SLC35A3: variants seen among roughly 807,000 people sequenced by gnomAD.
The protein encoded by SLC35A3 is solute carrier family 35 member A3.
SLC35A3 carries 26 observed loss-of-function variants against 39.0 expected under a neutral mutation model. The ratio of observed to expected loss-of-function variants is 0.67; its 90% CI spans 0.49 to 0.92. The LOEUF is 0.92. Ranked by LOEUF, SLC35A3 falls within the 40% of genes least tolerant of loss-of-function variation. The pLI, the probability that SLC35A3 is intolerant of heterozygous loss-of-function variation, is 0.00. For missense variants in SLC35A3, 299 were observed against 371.6 expected (o/e 0.80, Z 1.61); for synonymous variants, 135 against 133.1 (o/e 1.01, Z -0.10).
intron 2 of SLC35A3, among the ~76,000 whole-genome samples, chr1:99,998,950 A>G (rs974132554): frequency 6.6e-6 from 1 of 152,246 alleles, no homozygotes; most frequent in Admixed American, 6.5e-5. Flanking sequence ...ATACTTGGTT[A>G]ACAAATTAAA....
chr1:99,994,467 A>T lies in SLC35A3; in HGVS notation c.187+726A>T, dbSNP rs535119615. Among the ~76,000 whole-genome samples the T allele has an allele frequency of 2.6e-5, 4 of 152,288 alleles. No individual in the cohort carries two copies. In the East Asian group the frequency reaches 5.8e-4, roughly 22 times the overall value. On this transcript the variant is annotated intron_variant, in intron 2 of 7. Coordinates refer to ENST00000533028, the MANE Select transcript of SLC35A3 (RefSeq NM_012243.3). ...ATAACCCCCATTCTCCCTTACCCAC[A>T]GCCCCTAGTAACCTCTAATTCACTT...
chr1:99,980,669 G>A (rs1332359261), intron 1 of SLC35A3, among the ~76,000 whole-genome samples: 1 of 152,100 alleles, frequency 6.6e-6, no homozygotes, highest in East Asian at 1.9e-4. Flanking sequence ...GACACCTTGA[G>A]GAAGAAAGAA....
Position 100,024,762 on chromosome 1 carries a change from C to T in SLC35A3, c.*2286C>T, listed in dbSNP as rs1035664888. 17 of 395,904 alleles carry T rather than the reference C, an allele frequency of 4.3e-5. No individual in the cohort carries two copies. The highest frequency in any genetic ancestry group is 2.1e-4 in the African/African-American group (10 of 48,450). The allele number at this position is 395,904 out of a possible 1,614,324, so 24.5% of individuals were successfully genotyped here. On this transcript the variant is annotated 3_prime_UTR_variant, in exon 8 of 8. Transcript: ENST00000533028. The stretch of plus-strand genomic sequence containing the variant: ...GCCTCTGAGTAGCTGGGATTGCAGG[C>T]GTGAGCCACTGCGCCCGGCCTATAC...
At chr1:100,015,618 A>T (rs570797969) in intron 6 of SLC35A3, 198 bp downstream of exon 6, 3 of 496,096 alleles carry the variant, frequency 6.0e-6, no homozygotes, top group African/African-American at 4.0e-5. Flanking sequence ...GGGGTCTTTA[A>T]TGAACTTTGT....
chr1:99,970,351 G>A (rs1656726520), intron 1 of SLC35A3, 189 bp downstream of exon 1: 1 of 587,706 alleles, frequency 1.7e-6, no homozygotes, highest in Non-Finnish European at 3.0e-6. Context: ...GGGAGCAGAT[G>A]AGGTGACACG....
chr1:100,033,396 AT>A lies in SLC35A3; in HGVS notation c.*10921del, dbSNP rs1482522674. The A allele has an allele frequency of 2.0e-5, 3 of 148,052 alleles. No individual in the cohort carries two copies. Among genetic ancestry groups the A allele is most frequent in the Non-Finnish European group, 4.5e-5 (3 of 65,966 alleles). 9.2% of individuals were successfully genotyped at this position (148,052 alleles called of 1,614,324 possible). On this transcript the variant is annotated 3_prime_UTR_variant, in exon 8 of 8. Coordinates refer to ENST00000533028, the MANE Select transcript of SLC35A3 (RefSeq NM_012243.3). The stretch of plus-strand genomic sequence containing the variant: ...ATCCCTCCATTCCTAACCATCTCTT[AT>A]AAGTAATTATTATCCATCTCTTATA...
Position 100,032,067 on chromosome 1 carries a change from A to G in SLC35A3, c.*9591A>G, listed in dbSNP as rs1288926557. ...TGGGTAAAAATATTTCACAGATTTT[A>G]TATTGTATCATATTAAAAGGCACAG... On this transcript the variant is annotated 3_prime_UTR_variant, in exon 8 of 8. Transcript: ENST00000533028. The G allele has an allele frequency of 6.6e-6, 1 of 152,098 alleles. No homozygotes were observed. The highest frequency in any genetic ancestry group is 1.5e-5 in the Non-Finnish European group (1 of 68,034). The allele number at this position is 152,098 out of a possible 1,614,324, so 9.4% of individuals were successfully genotyped here.
In SLC35A3 at chr1:100,015,431, T is replaced by C; in HGVS notation, c.753+11T>C. On this transcript the variant is annotated intron_variant, in intron 6 of 7. Coordinates refer to ENST00000533028, the MANE Select transcript of SLC35A3 (RefSeq NM_012243.3). ...GTAGTTGTTCTTCAGGTAAAGCATT[T>C]AAAGTCTTAGATTTAATGCTAATAA... 2 of 1,594,058 alleles carry C rather than the reference T, an allele frequency of 1.3e-6. No individual in the cohort carries two copies. The highest frequency in any genetic ancestry group is 2.3e-5 in the South Asian group (2 of 86,562).
At chr1:100,000,054 T>G (rs865881972) in intron 3 of SLC35A3, among the ~76,000 whole-genome samples, 1 of 152,180 alleles carries the variant, frequency 6.6e-6, no homozygotes, top group African/African-American at 2.4e-5. Flanking sequence ...GCTAGAGATA[T>G]CCTTTTGATA....
chr1:100,005,544 T>C (rs1570606800), intron 3 of SLC35A3, among the ~76,000 whole-genome samples: 1 of 152,214 alleles, frequency 6.6e-6, no homozygotes, highest in South Asian at 2.1e-4. Flanking sequence ...TTCTTTTTTC[T>C]CTTTTTTTTA....
In SLC35A3 at chr1:100,025,268, T is replaced by C. The variant is rs1308560777; in HGVS notation, c.*2792T>C. The C allele has an allele frequency of 6.6e-6, 1 of 152,232 alleles. No homozygotes were observed. Among genetic ancestry groups the C allele is most frequent in the Non-Finnish European group, 1.5e-5 (1 of 68,038 alleles). The allele number at this position is 152,232 out of a possible 1,614,324, so 9.4% of individuals were successfully genotyped here. A position where few individuals can be genotyped will look rare whatever the true frequency, so the allele number is the denominator to read the frequency against. On this transcript the variant is annotated 3_prime_UTR_variant, in exon 8 of 8. Coordinates refer to ENST00000533028, the MANE Select transcript of SLC35A3 (RefSeq NM_012243.3). ...TATAATGATTTATGTTTAGCTCACATTGAAGTATTGGTTGGTTACTTATGT... is the reference window on the plus strand; with the variant it reads ...TATAATGATTTATGTTTAGCTCACACTGAAGTATTGGTTGGTTACTTATGT...
At chr1:99,990,066 A>G (rs1230334161) in intron 1 of SLC35A3, among the ~76,000 whole-genome samples, 1 of 151,964 alleles carries the variant, frequency 6.6e-6, no homozygotes, top group Non-Finnish European at 1.5e-5. Context: ...CCGATTTTTA[A>G]TTTTAATGTG....
rs1329175298 is a variant in SLC35A3, at chr1:100,033,066, A to G, written c.*10590A>G. Reference sequence around the variant, plus strand: ...GGAATTTATTATAGAATCCATTGTTACTGAGCTGTCATTGTTTCTAGGCCA... The same window carrying G: ...GGAATTTATTATAGAATCCATTGTTGCTGAGCTGTCATTGTTTCTAGGCCA... On this transcript the variant is annotated 3_prime_UTR_variant, in exon 8 of 8. Transcript: ENST00000533028. The G allele has an allele frequency of 2.6e-5, 4 of 152,302 alleles. No homozygotes were observed. The highest frequency in any genetic ancestry group is 9.6e-5 in the African/African-American group (4 of 41,570). 9.4% of individuals were successfully genotyped at this position (152,302 alleles called of 1,614,324 possible). A position where few individuals can be genotyped will look rare whatever the true frequency, so the allele number is the denominator to read the frequency against.
At chr1:100,013,003 A>C (rs939645206) in intron 5 of SLC35A3, among the ~76,000 whole-genome samples, 3 of 152,184 alleles carry the variant, frequency 2.0e-5, no homozygotes, top group African/African-American at 4.8e-5. Context: ...GTTGTATGTG[A>C]GTTAACATAC....
chr1:99,970,394 C>G (rs1656731123), intron 1 of SLC35A3: 4 of 612,990 alleles, frequency 6.5e-6, no homozygotes, highest in Admixed American at 2.9e-5. Context: ...GCGGAATGTA[C>G]TGGGTGGAGG....
At chr1:100,021,788 C>T (rs1319467196) in intron 7 of SLC35A3, among the ~76,000 whole-genome samples, 1 of 152,108 alleles carries the variant, frequency 6.6e-6, no homozygotes, top group Non-Finnish European at 1.5e-5. Flanking sequence ...AAGAGGAAAC[C>T]AAGAACTCCC....
intron 1 of SLC35A3, among the ~76,000 whole-genome samples, chr1:99,972,761 A>G (rs1371387166): frequency 2.0e-5 from 3 of 152,196 alleles, no homozygotes; most frequent in African/African-American, 7.2e-5. Context: ...AGACAAGATG[A>G]GCTCTTGAGT....
chr1:99,974,730 T>A (rs1370285729), intron 1 of SLC35A3, among the ~76,000 whole-genome samples: 2 of 152,214 alleles, frequency 1.3e-5, no homozygotes, highest in African/African-American at 4.8e-5. Flanking sequence ...GCCATACACT[T>A]AATATCTCAG....
rs902907402 is a variant in SLC35A3 at position 100,023,405 on chromosome 1, C to G, written c.*929C>G. On this transcript the variant is annotated 3_prime_UTR_variant, in exon 8 of 8. Transcript: ENST00000533028. Reference sequence around the variant, plus strand: ...ATTTGGAGAATTTTGAACTATCAAGCATATACTGTATACAGTTAGAAAGTT... The same window carrying G: ...ATTTGGAGAATTTTGAACTATCAAGGATATACTGTATACAGTTAGAAAGTT... 5.3e-5 allele frequency: 8 copies of G among 152,076 alleles called. No individual in the cohort carries two copies. The highest frequency in any genetic ancestry group is 1.2e-4 in the Non-Finnish European group (8 of 68,014). The allele number at this position is 152,076 out of a possible 1,614,324, so 9.4% of individuals were successfully genotyped here.
Sources: gnomAD v4.1 joint callset for allele counts (sites outside exome capture counted in the v4.1 genomes callset) on GRCh38, gnomAD v4.1.1 for gene constraint, MANE v1.5 for transcripts, NCBI Gene and HGNC (gene_info 2026-07-23, HGNC 2026-07-21) for gene names.